ZNF490: variants seen among roughly 807,000 people sequenced by gnomAD.
ZNF490 encodes zinc finger protein 490.
Under a neutral mutation model 17.7 loss-of-function variants are expected in ZNF490, and 11 were observed. The observed-to-expected ratio is 0.62, with a 90% confidence interval of 0.39 to 1.03. ZNF490 has a LOEUF of 1.03. Ranked by LOEUF, ZNF490 falls within the 50% of genes least tolerant of loss-of-function variation. ZNF490 has a pLI of 0.00. For synonymous variants in ZNF490, 222 were observed against 216.1 expected (o/e 1.03, Z -0.24); for missense variants, 542 against 643.4 (o/e 0.84, Z 1.71).
Position 12,578,380 on chromosome 19 carries a change from G to C in ZNF490, c.*2105C>G, listed in dbSNP as rs1438438548. ...TGGTGCAGGGCTGGTAACCGCAGGA[G>C]AGTGGATGCTGTGTGGTCAAGGGGT... On this transcript the variant is annotated 3_prime_UTR_variant, in exon 5 of 5. Coordinates refer to ENST00000311437, the MANE Select transcript of ZNF490 (RefSeq NM_020714.3). The C allele has an allele frequency of 1.0e-6, 1 of 985,538 alleles. No individual in the cohort carries two copies. The highest frequency in any genetic ancestry group is 1.7e-5 in the African/African-American group (1 of 57,252). The allele number at this position is 985,538 out of a possible 1,614,324, so 61.0% of individuals were successfully genotyped here.
Position 12,580,589 on chromosome 19 carries a change from G to T in ZNF490, c.1486C>A (p.His496Asn). The T allele has an allele frequency of 6.2e-7, 1 of 1,614,198 alleles. No individual in the cohort carries two copies. The highest frequency in any genetic ancestry group is 8.5e-7 in the Non-Finnish European group (1 of 1,180,040). Reference protein sequence around the residue: ...LNSLKVHKRIHTGERPFQCRQ... With the variant: ...LNSLKVHKRINTGERPFQCRQ... ...CACTGAAAGGGTCTTTCTCCAGTAT[G>T]AATTCTTTTGTGTACTTTCAGGGAA... The change falls in exon 5 of 5, where the codon CAT becomes AAT. Residue 496 changes from histidine (H) to asparagine (N), a missense_variant. His to Asn is a moderately conservative substitution (Grantham distance 68). Coordinates refer to ENST00000311437, the MANE Select transcript of ZNF490 (RefSeq NM_020714.3).
chr19:12,610,496 C>T, intron 1 of ZNF490, 68 bp downstream of exon 1: 1 of 1,242,010 alleles, frequency 8.1e-7, no homozygotes. Flanking sequence ...ATGGGGTAAC[C>T]GTCTGTTTAT....
At chr19:12,596,256 C>A (rs2022931644) in intron 2 of ZNF490, among the ~76,000 whole-genome samples, 1 of 57,650 alleles carries the variant, frequency 1.7e-5, no homozygotes, top group African/African-American at 6.4e-5. Flanking sequence ...CAGAGAAAGA[C>A]TCCGTCTCAA....
At chr19:12,583,340 CT>C (rs2022764545) in intron 3 of ZNF490, 89 bp downstream of exon 3, 3 of 1,441,614 alleles carry the variant, frequency 2.1e-6, no homozygotes, top group Admixed American at 4.4e-5. Context: ...TGCCTGGCCC[CT>C]TCCCCCATTT....
At chr19:12,582,228 A>G (rs1226231102) in intron 4 of ZNF490, among the ~76,000 whole-genome samples, 1 of 149,560 alleles carries the variant, frequency 6.7e-6, no homozygotes, top group African/African-American at 2.5e-5. Flanking sequence ...TTTCATAGTG[A>G]TTTCTTCTCA....
At chr19:12,586,060 G>A (rs1306420772) in intron 2 of ZNF490, among the ~76,000 whole-genome samples, 1 of 92,240 alleles carries the variant, frequency 1.1e-5, no homozygotes, top group East Asian at 2.1e-4. Flanking sequence ...CAGCACTTTG[G>A]GAGGCGGGGG....
chr19:12,582,380 C>T (rs2056422), intron 4 of ZNF490, among the ~76,000 whole-genome samples: 1 of 151,898 alleles, frequency 6.6e-6, no homozygotes, highest in South Asian at 2.1e-4. Context: ...TATTCGCTAC[C>T]TTACCCAGCC....
chr19:12,583,406 G>T, intron 3 of ZNF490, 24 bp downstream of exon 3: 1 of 1,565,598 alleles, frequency 6.4e-7, no homozygotes. Flanking sequence ...CCTTAATTAA[G>T]TAGAGAAATT....
chr19:12,583,777 CTCTCTCTCTCTCTCTATA>C (rs1396860060), intron 2 of ZNF490, among the ~76,000 whole-genome samples: 10 of 102,304 alleles, frequency 9.8e-5, no homozygotes, highest in African/African-American at 2.5e-4. Flanking sequence ...CTCTCTCTCT[CTCTCTCTCTCTCTCTATA>C]TATATATATA....
intron 2 of ZNF490, among the ~76,000 whole-genome samples, chr19:12,601,981 A>G (rs1370277492): frequency 1.3e-5 from 2 of 151,760 alleles, no homozygotes; most frequent in Admixed American, 6.6e-5. Context: ...GCGAGAGAGC[A>G]AGACTCTGAC....
rs370708154 is a variant in ZNF490 at position 12,581,733 on chromosome 19, A to G, written c.351-9T>C. 4.2e-5 allele frequency: 67 copies of G among 1,586,938 alleles called. No homozygotes were observed. The African/African-American group carries it at 9.0e-4, about 21-fold the overall frequency. On this transcript the variant is annotated splice_polypyrimidine_tract_variant and intron_variant, in intron 4 of 4. Coordinates refer to ENST00000311437, the MANE Select transcript of ZNF490 (RefSeq NM_020714.3). ...CTTCAACCATAGGACTTCTGTAAAGAATGAGTACCGTATTATTAATAGTTT... is the reference window on the plus strand; with the variant it reads ...CTTCAACCATAGGACTTCTGTAAAGGATGAGTACCGTATTATTAATAGTTT...
At chr19:12,609,098 C>T in intron 2 of ZNF490, 60 bp downstream of exon 2, 2 of 1,564,496 alleles carry the variant, frequency 1.3e-6, no homozygotes, top group Non-Finnish European at 1.8e-6. Context: ...GAAGGACAGA[C>T]CCAAATGGTC....
intron 2 of ZNF490, 126 bp from the exon 3 acceptor site, chr19:12,583,682 T>C: frequency 3.2e-6 from 3 of 931,098 alleles, no homozygotes; most frequent in Non-Finnish European, 4.4e-6. Context: ...AACTTGGTTG[T>C]CAGAACTCTT....
At chr19:12,601,538 T>C (rs1031983470) in intron 2 of ZNF490, among the ~76,000 whole-genome samples, 1 of 152,104 alleles carries the variant, frequency 6.6e-6, no homozygotes, top group Non-Finnish European at 1.5e-5. Flanking sequence ...TACAGGTGTA[T>C]GCCACAAACC....
Position 12,578,115 on chromosome 19 carries a change from T to C in ZNF490, c.*2370A>G. The C allele has an allele frequency of 1.0e-6, 1 of 985,460 alleles. No individual in the cohort carries two copies. The highest frequency in any genetic ancestry group is 1.2e-6 in the Non-Finnish European group (1 of 829,990). The allele number at this position is 985,460 out of a possible 1,614,324, so 61.0% of individuals were successfully genotyped here. On this transcript the variant is annotated 3_prime_UTR_variant, in exon 5 of 5. Transcript: ENST00000311437. ...TCCTTTTCCAAGAAGAGCTAAGTGC[T>C]AGTCTTAGCGGGAGGCTAGGAAACC... is the stretch of plus-strand genomic sequence containing the variant.
At chr19:12,594,343 G>C (rs1432241082) in intron 2 of ZNF490, among the ~76,000 whole-genome samples, 1 of 151,964 alleles carries the variant, frequency 6.6e-6, no homozygotes, top group Non-Finnish European at 1.5e-5. Context: ...GTGCACACCT[G>C]TAATCCCAGC....
chr19:12,601,467 C>T (rs1417865684), intron 2 of ZNF490, among the ~76,000 whole-genome samples: 1 of 151,988 alleles, frequency 6.6e-6, no homozygotes, highest in Non-Finnish European at 1.5e-5. Context: ...TCATAGCTCA[C>T]TGCAGCCAAA....
chr19:12,599,139 C>CAAAAAAAAAAATAAAAAAAAAAA, intron 2 of ZNF490, among the ~76,000 whole-genome samples: 1 of 68,634 alleles, frequency 1.5e-5, no homozygotes, highest in Non-Finnish European at 2.4e-5. Context: ...GACTCTGTCT[C>CAAAAAAAAAAATAAAAAAAAAAA]AAAAAAAAAA....
chr19:12,582,377 T>C (rs1002982598), intron 4 of ZNF490, among the ~76,000 whole-genome samples: 2 of 151,964 alleles, frequency 1.3e-5, no homozygotes, highest in African/African-American at 4.8e-5. Context: ...AGGTATTCGC[T>C]ACCTTACCCA....
Sources: allele counts gnomAD v4.1 joint callset (sites outside exome capture counted in the v4.1 genomes callset), GRCh38; gene constraint gnomAD v4.1.1; transcripts MANE v1.5; gene names NCBI Gene and HGNC (gene_info 2026-07-23, HGNC 2026-07-21).